CFAP47: variants seen among roughly 807,000 people sequenced by gnomAD.
CFAP47 encodes the protein cilia and flagella associated protein 47.
In CFAP47, 29 loss-of-function variants were observed where a neutral mutation model predicts 148.1. That is an observed-to-expected ratio of 0.20 (90% CI 0.15 to 0.27). The LOEUF is 0.27. Among genes scored for constraint, CFAP47 ranks in the 10% least tolerant of loss-of-function variants. The probability of loss-of-function intolerance (pLI) is 1.00; values close to 1 mark genes in which losing one functional copy is unlikely to be tolerated. For synonymous variants in CFAP47, 664 were observed against 577.3 expected (o/e 1.15, Z -2.15); for missense variants, 1,872 against 1,697.5 (o/e 1.10, Z -1.81).
At chrX:36,228,898 C>T in intron 46 of CFAP47, 74 bp downstream of exon 46, 1 of 456,831 alleles carries the variant, frequency 2.2e-6, no homozygotes, top group Non-Finnish European at 3.9e-6. Flanking sequence ...CCAGACCTCT[C>T]ATCTTGGACT....
intron 57 of CFAP47, among the ~76,000 whole-genome samples, chrX:36,344,937 A>G (rs1941684995): frequency 8.9e-6 from 1 of 112,028 alleles, no homozygotes; most frequent in South Asian, 3.7e-4. Flanking sequence ...ATAGTCATCT[A>G]GCGTACTCTT....
intron 57 of CFAP47, among the ~76,000 whole-genome samples, chrX:36,336,832 G>C (rs1194741300): frequency 9.0e-6 from 1 of 111,580 alleles, no homozygotes; most frequent in Non-Finnish European, 1.9e-5. Context: ...TTATAAATTG[G>C]AAAAGGTCTT....
chrX:36,231,946 C>A (rs1206186929), intron 46 of CFAP47, among the ~76,000 whole-genome samples: 1 of 111,525 alleles, frequency 9.0e-6, no homozygotes, highest in Admixed American at 9.5e-5. Context: ...ACCAGCCTTG[C>A]ATCCCAGGGA....
intron 33 of CFAP47, among the ~76,000 whole-genome samples, chrX:36,105,903 G>T (rs1938458474): frequency 8.9e-6 from 1 of 112,271 alleles, no homozygotes; most frequent in African/African-American, 3.2e-5. Context: ...CAAAGATTTT[G>T]CCACATTTTT....
intron 33 of CFAP47, among the ~76,000 whole-genome samples, chrX:36,109,487 A>AT (rs981336384): frequency 2.7e-5 from 3 of 109,783 alleles, no homozygotes; most frequent in Non-Finnish European, 5.7e-5. Context: ...TTTATTTTTT[A>AT]TTTTTTTGAG....
At chrX:36,341,733 G>A (rs67197735) in intron 57 of CFAP47, among the ~76,000 whole-genome samples, 12,492 of 109,523 alleles carry the variant, frequency 0.11, 980 homozygotes, top group African/African-American at 0.28. Flanking sequence ...TAAAAGCAAA[G>A]CACAAATAAT....
chrX:36,131,295 A>G (rs1238940444), intron 33 of CFAP47, among the ~76,000 whole-genome samples: 1 of 111,327 alleles, frequency 9.0e-6, no homozygotes, highest in Non-Finnish European at 1.9e-5. Context: ...GTGTTGCTAG[A>G]GGGATTGTAA....
chrX:36,253,388 A>AT (rs1940715139), intron 49 of CFAP47, among the ~76,000 whole-genome samples: 1 of 111,504 alleles, frequency 9.0e-6, no homozygotes, highest in Non-Finnish European at 1.9e-5. Flanking sequence ...TTTTATTGAT[A>AT]TTACTATTGG....
chrX:36,281,144 T>C (rs1941075099), intron 50 of CFAP47, among the ~76,000 whole-genome samples: 1 of 112,105 alleles, frequency 8.9e-6, no homozygotes, highest in Middle Eastern at 4.6e-3. Flanking sequence ...AGGGCAGGTT[T>C]CCTGGAAATG....
chrX:36,055,572 T>C (rs760309889), intron 26 of CFAP47, among the ~76,000 whole-genome samples: 23 of 112,305 alleles, frequency 2.0e-4, no homozygotes, highest in African/African-American at 7.1e-4. Context: ...AGTCTATCGT[T>C]GATGGGCATT....
intron 61 of CFAP47, among the ~76,000 whole-genome samples, chrX:36,363,983 C>A (rs1941849772): frequency 9.0e-6 from 1 of 111,581 alleles, no homozygotes; most frequent in African/African-American, 3.2e-5. Flanking sequence ...TAACAGATAT[C>A]ATTTGTCTTA....
intron 1 of CFAP47, among the ~76,000 whole-genome samples, 170 bp from the exon 2 acceptor site, chrX:35,925,847 G>A (rs1250522812): frequency 8.9e-6 from 1 of 111,913 alleles, no homozygotes; most frequent in Non-Finnish European, 1.9e-5. Flanking sequence ...AGTAGAGAAG[G>A]GGTTTCACCA....
intron 8 of CFAP47, among the ~76,000 whole-genome samples, chrX:35,960,054 A>C (rs917250947): frequency 9.2e-6 from 1 of 109,207 alleles, no homozygotes; most frequent in African/African-American, 3.3e-5. Context: ...TCTATTTTGC[A>C]TATCTGTATT....
rs1356726463 is a variant in CFAP47 at position 36,379,458 on chromosome X, C to A, written c.9294C>A (p.Ile3098=). The part of the protein sequence containing the change: ...LLPFNTNGTL[I]TVGFKPKMYC... Reference sequence around the variant, plus strand: ...CTTTTAACACAAACGGAACTCTCATCACTGTAGGATTTAAACCTAAAATGT... The same window carrying A: ...CTTTTAACACAAACGGAACTCTCATAACTGTAGGATTTAAACCTAAAATGT... The change falls in exon 63 of 64, where the codon ATC becomes ATA. Residue 3098 remains isoleucine (I), a synonymous_variant. Transcript: ENST00000378653. 5 of 1,162,716 alleles carry A rather than the reference C, an allele frequency of 4.3e-6. No individual in the cohort carries two copies. The highest frequency in any genetic ancestry group is 5.8e-6 in the Non-Finnish European group (5 of 869,532).
chrX:36,087,656 T>A (rs886465731), intron 30 of CFAP47, among the ~76,000 whole-genome samples: 2 of 112,143 alleles, frequency 1.8e-5, no homozygotes, highest in African/African-American at 6.5e-5. Context: ...ATGGGGCCAA[T>A]GTTCATTACA....
rs1311721069 is a variant in CFAP47, at chrX:36,050,915, TC to T, written c.4217+3853del. ...CTGCTCCAGCTATGGCTAAAAGGGGTCAAGGTATAGCTTAGGCCATGGCTTC... is the reference window on the plus strand; with the variant it reads ...CTGCTCCAGCTATGGCTAAAAGGGGTAAGGTATAGCTTAGGCCATGGCTTC... On this transcript the variant is annotated intron_variant, in intron 26 of 63. Transcript: ENST00000378653. 3.2e-4 allele frequency among the ~76,000 whole-genome samples: 36 copies of T among 111,553 alleles called. No individual in the cohort carries two copies. In the South Asian group the frequency reaches 5.2e-3, roughly 16 times the overall value.
intron 57 of CFAP47, among the ~76,000 whole-genome samples, chrX:36,337,847 T>C (rs193043638): frequency 0.024 from 2,484 of 102,260 alleles, 44 homozygotes; most frequent in Middle Eastern, 0.066. Flanking sequence ...TCCTCTGTTT[T>C]CCATAATCCT....
intron 39 of CFAP47, among the ~76,000 whole-genome samples, chrX:36,172,592 G>T (rs1315052447): frequency 9.0e-6 from 1 of 110,579 alleles, no homozygotes; most frequent in African/African-American, 3.3e-5. Context: ...TTTATATGCT[G>T]GATTACATTT....
At chrX:36,187,452 A>G (rs143354274) in intron 40 of CFAP47, among the ~76,000 whole-genome samples, 1,303 of 111,984 alleles carry the variant, frequency 0.012, 18 homozygotes, top group African/African-American at 0.04. Context: ...AATTATCTGT[A>G]TATTTTAATC....
Sources: allele counts gnomAD v4.1 joint callset (sites outside exome capture counted in the v4.1 genomes callset), GRCh38; gene constraint gnomAD v4.1.1; transcripts MANE v1.5; gene names NCBI Gene and HGNC (gene_info 2026-07-23, HGNC 2026-07-21).